POU2F1: variants seen among roughly 807,000 people sequenced by gnomAD.
The protein encoded by POU2F1 is POU domain, class 2, transcription factor 1.
Under a neutral mutation model 84.9 loss-of-function variants are expected in POU2F1, and 16 were observed. The observed-to-expected ratio is 0.19, with a 90% CI of 0.13 to 0.29. The LOEUF is 0.29. POU2F1 is among the 10% of genes least tolerant of loss of function. POU2F1 has a pLI of 1.00. For missense variants in POU2F1, 738 were observed against 942.6 expected, an observed-to-expected ratio of 0.78 and a Z score of 2.84; for synonymous variants, 368 against 368.3, an observed-to-expected ratio of 1.00 and a Z score of 0.01.
At chr1:167,233,962 C>G (rs1483795526) in intron 1 of POU2F1, among the ~76,000 whole-genome samples, 1 of 152,128 alleles carries the variant, frequency 6.6e-6, no homozygotes, top group East Asian at 1.9e-4. Flanking sequence ...TACAGTGACC[C>G]CCATGGGGTG....
chr1:167,366,222 A>G (rs1659677984), intron 3 of POU2F1, among the ~76,000 whole-genome samples: 1 of 152,216 alleles, frequency 6.6e-6, no homozygotes, highest in East Asian at 1.9e-4. Context: ...AAAATGGAAA[A>G]CAGTGAAAAC....
intron 1 of POU2F1, among the ~76,000 whole-genome samples, chr1:167,288,637 T>G (rs964769293): frequency 6.6e-6 from 1 of 152,132 alleles, no homozygotes; most frequent in Non-Finnish European, 1.5e-5. Flanking sequence ...CAGTGAATTG[T>G]TATCAGGCCA....
At chr1:167,386,951 A>G (rs1648025305) in intron 8 of POU2F1, among the ~76,000 whole-genome samples, 1 of 152,214 alleles carries the variant, frequency 6.6e-6, no homozygotes, top group African/African-American at 2.4e-5. Context: ...TATCTGTAGT[A>G]ACTGCTACTG....
intron 1 of POU2F1, among the ~76,000 whole-genome samples, chr1:167,232,217 T>C (rs920835078): frequency 1.3e-5 from 2 of 152,220 alleles, no homozygotes; most frequent in Non-Finnish European, 1.5e-5. Flanking sequence ...CCCATTTTGT[T>C]CGAGGGTCAG....
intron 2 of POU2F1, among the ~76,000 whole-genome samples, chr1:167,352,937 G>A (rs980877326): frequency 3.3e-5 from 5 of 152,230 alleles, no homozygotes; most frequent in Non-Finnish European, 7.3e-5. Context: ...AATAGCATTT[G>A]AGCTGAGCGC....
Position 167,395,961 on chromosome 1 carries a change from G to A in POU2F1, c.988-325G>A, listed in dbSNP as rs532591087. 1.0e-3 allele frequency among the ~76,000 whole-genome samples: 158 copies of A among 152,150 alleles called. 2 individuals carry two copies. The highest frequency in any genetic ancestry group is 4.7e-4 in the Non-Finnish European group (32 of 68,002). ...ATCACTTTGGTTGTATCAATTAAGG[G>A]GCTTGTTAGAATATTAGCACTATTT... On this transcript the variant is annotated intron_variant, in intron 9 of 15. Transcript: ENST00000367866.
At chr1:167,256,657 C>A (rs1026744588) in intron 1 of POU2F1, among the ~76,000 whole-genome samples, 3 of 152,260 alleles carry the variant, frequency 2.0e-5, no homozygotes, top group South Asian at 2.1e-4. Context: ...ATCTCACTTA[C>A]GCCACCCGAA....
chr1:167,312,237 A>G (rs1028570509), intron 1 of POU2F1, among the ~76,000 whole-genome samples: 70 of 132,912 alleles, frequency 5.3e-4, no homozygotes, highest in African/African-American at 1.8e-3. Context: ...TGCCCAGCCA[A>G]TTTTTTTTTT....
At chr1:167,346,611 G>T (rs1020664545) in intron 2 of POU2F1, among the ~76,000 whole-genome samples, 25 of 152,158 alleles carry the variant, frequency 1.6e-4, no homozygotes, top group Non-Finnish European at 3.5e-4. Context: ...TAGATCCCTC[G>T]CATACACTGT....
chr1:167,343,363 G>T (rs371077474), intron 2 of POU2F1, among the ~76,000 whole-genome samples: 1 of 151,892 alleles, frequency 6.6e-6, no homozygotes, highest in Admixed American at 6.6e-5. Flanking sequence ...TTAAAGAGAG[G>T]GTTTGTTTCT....
At chr1:167,236,302 C>T (rs1571137013) in intron 1 of POU2F1, among the ~76,000 whole-genome samples, 1 of 152,008 alleles carries the variant, frequency 6.6e-6, no homozygotes, top group Non-Finnish European at 1.5e-5. Flanking sequence ...GGAGTTTCAC[C>T]ATCTTGGCCA....
chr1:167,232,741 G>C (rs1649157127), intron 1 of POU2F1, among the ~76,000 whole-genome samples: 2 of 152,132 alleles, frequency 1.3e-5, no homozygotes, highest in South Asian at 4.1e-4. Context: ...TACTCGGGAG[G>C]CTGAGGCAGG....
chr1:167,254,400 G>A (rs1650978532), intron 1 of POU2F1, among the ~76,000 whole-genome samples: 1 of 152,290 alleles, frequency 6.6e-6, no homozygotes, highest in Admixed American at 6.5e-5. Flanking sequence ...CTAAACTAGT[G>A]TCTGGCCCTG....
intron 1 of POU2F1, among the ~76,000 whole-genome samples, chr1:167,312,429 G>A (rs1655563190): frequency 6.6e-6 from 1 of 151,774 alleles, no homozygotes; most frequent in African/African-American, 2.4e-5. Flanking sequence ...CATCTCGTTT[G>A]TTGTTGGCCA....
chr1:167,415,387 CT>C, intron 15 of POU2F1, 112 bp from the exon 16 acceptor site: 1 of 1,210,804 alleles, frequency 8.3e-7, no homozygotes. Flanking sequence ...AAGGGCTATA[CT>C]TTTTCCTGGT....
chr1:167,327,017 A>G (rs1656750079), intron 1 of POU2F1, among the ~76,000 whole-genome samples: 1 of 152,238 alleles, frequency 6.6e-6, no homozygotes, highest in Non-Finnish European at 1.5e-5. Flanking sequence ...AGTCACATTC[A>G]TCATTGCTTT....
chr1:167,234,129 A>G (rs1389586227), intron 1 of POU2F1, among the ~76,000 whole-genome samples: 5 of 152,190 alleles, frequency 3.3e-5, no homozygotes, highest in Non-Finnish European at 7.3e-5. Flanking sequence ...ATGATGAAGC[A>G]TATATCAAAT....
In POU2F1 at chr1:167,415,924, G is replaced by C; in HGVS notation, c.*114G>C. ...GGCTTCCTCTCGCCGTGTTGTGAGGGCAAAGGAGAGAAGGGAGAAAAAAAA... is the reference window on the plus strand; with the variant it reads ...GGCTTCCTCTCGCCGTGTTGTGAGGCCAAAGGAGAGAAGGGAGAAAAAAAA... On this transcript the variant is annotated 3_prime_UTR_variant, in exon 16 of 16. Transcript: ENST00000367866. 1.3e-6 allele frequency: 1 copy of C among 742,976 alleles called. No individual in the cohort carries two copies. The allele number at this position is 742,976 out of a possible 1,614,324, so 46.0% of individuals were successfully genotyped here. A position where few individuals can be genotyped will look rare whatever the true frequency, so the allele number is the denominator to read the frequency against.
At chr1:167,362,943 G>A (rs1276760545) in intron 2 of POU2F1, among the ~76,000 whole-genome samples, 2 of 151,974 alleles carry the variant, frequency 1.3e-5, no homozygotes, top group Admixed American at 1.3e-4. Flanking sequence ...AACCTGGGAG[G>A]GGCAGTCTCT....
Sources: allele counts gnomAD v4.1 joint callset (sites outside exome capture counted in the v4.1 genomes callset), GRCh38; gene constraint gnomAD v4.1.1; transcripts MANE v1.5; gene names NCBI Gene and HGNC (gene_info 2026-07-23, HGNC 2026-07-21).